PKHD1L1: variants seen among roughly 807,000 people sequenced by gnomAD.
The protein encoded by PKHD1L1 is PKHD1 like 1.
A neutral mutation model predicts 462.9 loss-of-function variants in PKHD1L1; 434 were observed. The ratio of observed to expected loss-of-function variants is 0.94; its 90% CI spans 0.87 to 1.02. The LOEUF (loss-of-function observed/expected upper bound fraction) is 1.02. Ranked by LOEUF, PKHD1L1 falls within the 50% of genes least tolerant of loss-of-function variation. The probability of loss-of-function intolerance (pLI) is 0.00; values close to 1 mark genes in which losing one functional copy is unlikely to be tolerated. For missense variants in PKHD1L1, 5,202 were observed against 5,096.1 expected, an observed-to-expected ratio of 1.02 and a Z score of -0.63; for synonymous variants, 1,781 against 1,750.0, an observed-to-expected ratio of 1.02 and a Z score of -0.44.
intron 2 of PKHD1L1, among the ~76,000 whole-genome samples, chr8:109,375,238 C>A (rs577097364): frequency 2.1e-3 from 315 of 152,318 alleles, no homozygotes; most frequent in Non-Finnish European, 3.9e-3. Flanking sequence ...CTTCACGCTT[C>A]ATTTCATTCA....
chr8:109,430,091 T>C, intron 27 of PKHD1L1, 54 bp downstream of exon 27: 1 of 1,099,394 alleles, frequency 9.1e-7, no homozygotes, highest in East Asian at 2.5e-5. Context: ...CAGCAAAATG[T>C]AAACTCTGAT....
In PKHD1L1 at chr8:109,400,364, C is replaced by T. The variant is rs547536734; in HGVS notation, c.1281+20C>T. ...GATAAGGTAGGGAAGCCTCAGAATA[C>T]TATTTGATACTGTAAAAACATTATG... is the stretch of plus-strand genomic sequence containing the variant. On this transcript the variant is annotated intron_variant, in intron 13 of 77. Coordinates refer to ENST00000378402, the MANE Select transcript of PKHD1L1 (RefSeq NM_177531.6). The T allele has an allele frequency of 1.3e-6, 2 of 1,595,570 alleles. No homozygotes were observed. The highest frequency in any genetic ancestry group is 1.1e-5 in the South Asian group (1 of 89,398).
chr8:109,451,032 A>G lies in PKHD1L1; in HGVS notation c.6233A>G (p.Gln2078Arg), dbSNP rs745589257. Reference protein sequence around the residue: ...VSVVNGKDLSQSMTPFTYAVS... With the variant: ...VSVVNGKDLSRSMTPFTYAVS... Reference sequence around the variant, plus strand: ...GTGGTTAATGGGAAAGATTTGTCACAGTCCATGACTCCGTTTACGTACGCA... The same window carrying G: ...GTGGTTAATGGGAAAGATTTGTCACGGTCCATGACTCCGTTTACGTACGCA... The change falls in exon 41 of 78, where the codon CAG becomes CGG. Residue 2078 changes from glutamine to arginine, a missense_variant. Coordinates refer to ENST00000378402, the MANE Select transcript of PKHD1L1 (RefSeq NM_177531.6). The G allele has an allele frequency of 1.9e-5, 30 of 1,613,782 alleles. No homozygotes were observed. The highest frequency in any genetic ancestry group is 2.5e-5 in the Non-Finnish European group (30 of 1,179,724).
At chr8:109,420,970 C>T (rs1331748646) in intron 23 of PKHD1L1, among the ~76,000 whole-genome samples, 2 of 151,604 alleles carry the variant, frequency 1.3e-5, no homozygotes, top group African/African-American at 4.8e-5. Flanking sequence ...ATGGTCTCTT[C>T]CAATAAACAT....
chr8:109,481,867 T>C (rs748420115), intron 56 of PKHD1L1, among the ~76,000 whole-genome samples: 2 of 151,866 alleles, frequency 1.3e-5, no homozygotes, highest in Non-Finnish European at 2.9e-5. Flanking sequence ...GTATGTATAT[T>C]ATTTTTCCAA....
In PKHD1L1 at chr8:109,444,849, C is replaced by T. The variant is rs1479420027; in HGVS notation, c.4980C>T (p.Asn1660=). The T allele has an allele frequency of 3.7e-6, 6 of 1,613,878 alleles. No homozygotes were observed. In the African/African-American group the frequency reaches 4.0e-5, roughly 11 times the overall value. ...EFDRRFVLLP[N]IDLVLPNAGS... ...ATAGGCGATTTGTACTTTTGCCAAA[C>T]ATTGACCTGGTGTTGCCAAATGCAG... Residue 1660 remains asparagine (N), a synonymous_variant, in exon 38 of 78, where the codon AAC becomes AAT. Transcript: ENST00000378402.
At chr8:109,460,569 C>G (rs1375415775) in intron 47 of PKHD1L1, among the ~76,000 whole-genome samples, 1 of 152,160 alleles carries the variant, frequency 6.6e-6, no homozygotes, top group Non-Finnish European at 1.5e-5. Context: ...AGATGTTTGA[C>G]AGCACACTTG....
chr8:109,412,467 A>C (rs1001725749), intron 20 of PKHD1L1, 53 bp downstream of exon 20: 11 of 1,489,242 alleles, frequency 7.4e-6, no homozygotes, highest in African/African-American at 1.4e-5. Context: ...CCTTGGTAAT[A>C]AAATTTCATG....
At chr8:109,373,138 C>T (rs1243669237) in intron 2 of PKHD1L1, among the ~76,000 whole-genome samples, 1 of 151,996 alleles carries the variant, frequency 6.6e-6, no homozygotes, top group Non-Finnish European at 1.5e-5. Flanking sequence ...TGGTCCTGGA[C>T]TTTTTTTGGT....
intron 5 of PKHD1L1, among the ~76,000 whole-genome samples, chr8:109,384,557 A>T (rs1459107350): frequency 6.6e-6 from 1 of 152,082 alleles, no homozygotes; most frequent in African/African-American, 2.4e-5. Flanking sequence ...CCAATATTTT[A>T]AAAAATTGAT....
chr8:109,502,138 A>G (rs1819450880), intron 67 of PKHD1L1, among the ~76,000 whole-genome samples: 1 of 152,128 alleles, frequency 6.6e-6, no homozygotes, highest in Non-Finnish European at 1.5e-5. Context: ...GAATTATGTA[A>G]TACATCCAAT....
At chr8:109,496,213 A>G (rs1586622979) in intron 63 of PKHD1L1, among the ~76,000 whole-genome samples, 1 of 152,220 alleles carries the variant, frequency 6.6e-6, no homozygotes, top group South Asian at 2.1e-4. Context: ...TGAAGCTTAC[A>G]TCTTAGTAGG....
At chr8:109,370,157 C>T (rs749601551) in intron 2 of PKHD1L1, among the ~76,000 whole-genome samples, 31 of 152,194 alleles carry the variant, frequency 2.0e-4, no homozygotes, top group Non-Finnish European at 3.7e-4. Flanking sequence ...CTCGCTCTGT[C>T]GCCCAGGCTG....
chr8:109,369,204 G>C (rs1316091806), intron 2 of PKHD1L1, among the ~76,000 whole-genome samples: 3 of 106,306 alleles, frequency 2.8e-5, no homozygotes, highest in Non-Finnish European at 6.1e-5. Context: ...TCAAACTCCT[G>C]ACTTCAGGTG....
intron 2 of PKHD1L1, among the ~76,000 whole-genome samples, chr8:109,376,411 G>C (rs909632808): frequency 7.2e-5 from 11 of 152,176 alleles, no homozygotes; most frequent in African/African-American, 2.2e-4. Context: ...CCCTTTCTTT[G>C]ACTAGGAAAG....
chr8:109,464,985 TG>T lies in PKHD1L1; in HGVS notation c.8157del (p.Ser2720LeufsTer17). ...KIVGHLDELGMGSAFCTAKGL... is the reference protein window; with the variant it reads ...KIVGHLDELGXGSAFCTAKGL... ...GTCGGCCATCTTGATGAACTGGGAATGGGGTCTGCATTTTGCACAGCAAAAG... is the reference window on the plus strand; with the variant it reads ...GTCGGCCATCTTGATGAACTGGGAATGGGTCTGCATTTTGCACAGCAAAAG... On this transcript the variant is annotated frameshift_variant, in exon 49 of 78. Coordinates refer to ENST00000378402, the MANE Select transcript of PKHD1L1 (RefSeq NM_177531.6). LOFTEE classifies it high-confidence loss of function. The T allele has an allele frequency of 6.2e-7, 1 of 1,613,838 alleles. No individual in the cohort carries two copies. Among genetic ancestry groups the T allele is most frequent in the Non-Finnish European group, 8.5e-7 (1 of 1,179,776 alleles).
intron 67 of PKHD1L1, 56 bp downstream of exon 67, chr8:109,498,827 G>A: frequency 7.3e-7 from 1 of 1,370,626 alleles, no homozygotes; most frequent in Non-Finnish European, 1.0e-6. Context: ...AGAATATGTA[G>A]AGGATAACTA....
intron 56 of PKHD1L1, 24 bp downstream of exon 56, chr8:109,481,586 G>C (rs761741959): frequency 6.5e-7 from 1 of 1,529,244 alleles, no homozygotes; most frequent in Non-Finnish European, 8.8e-7. Context: ...GATACCAAAA[G>C]TGTCACATCT....
rs1693941822 is a variant in PKHD1L1, at chr8:109,493,715, A to G, written c.10291A>G (p.Arg3431Gly). 1.2e-6 allele frequency: 2 copies of G among 1,610,342 alleles called. No individual in the cohort carries two copies. The highest frequency in any genetic ancestry group is 1.7e-6 in the Non-Finnish European group (2 of 1,177,904). Residue 3431 changes from arginine to glycine, a missense_variant, in exon 63 of 78, where the codon AGA (arginine) becomes GGA (glycine). Physicochemically the swap from Arg to Gly is moderately radical, Grantham distance 125 (BLOSUM62 -2). Transcript: ENST00000378402. ...LQNNVVAGFG[R>G]AGYRIDGEPC... ...GAATAATGTAGTGGCTGGATTTGGA[A>G]GAGCAGGATACCGCATTGATGGTGA...
Sources: gnomAD v4.1 joint callset for allele counts (sites outside exome capture counted in the v4.1 genomes callset) on GRCh38, gnomAD v4.1.1 for gene constraint, MANE v1.5 for transcripts, NCBI Gene and HGNC (gene_info 2026-07-23, HGNC 2026-07-21) for gene names.